Variants in GABRR3 observed in about 807,000 individuals in gnomAD.
The protein encoded by GABRR3 is gamma-aminobutyric acid receptor subunit rho-3.
A neutral mutation model predicts 43.2 loss-of-function variants in GABRR3; 29 were observed. That is an observed-to-expected ratio of 0.67 (90% CI 0.50 to 0.92). The LOEUF (loss-of-function observed/expected upper bound fraction) is 0.92, where lower values mean the gene tolerates loss of function less well. GABRR3 is among the 40% of genes least tolerant of loss of function. The pLI is 0.00. For missense variants in GABRR3, 576 were observed against 572.3 expected (o/e 1.01, Z -0.07); for synonymous variants, 206 against 195.9 (o/e 1.05, Z -0.43).
At chr3:98,007,140 C>T (rs1280061328) in intron 7 of GABRR3, among the ~76,000 whole-genome samples, 1 of 151,962 alleles carries the variant, frequency 6.6e-6, no homozygotes, top group Non-Finnish European at 1.5e-5. Context: ...CTGTGATGAC[C>T]GAGATAGGGA....
exon 10 of GABRR3, chr3:97,986,754 T>C (rs1167053267): frequency 1.3e-6 from 2 of 1,599,276 alleles, no homozygotes; most frequent in Non-Finnish European, 1.7e-6. Context: ...CTAGAATAGG[T>C]GTCAATGACA....
chr3:97,994,829 T>C (rs574729826), intron 8 of GABRR3, among the ~76,000 whole-genome samples: 2 of 152,346 alleles, frequency 1.3e-5, no homozygotes, highest in South Asian at 2.1e-4. Context: ...TGCAGAATTA[T>C]GCCAAGAGGC....
chr3:98,032,097 G>GTATAGTATAGTATAGTATAA (rs1707093447), intron 2 of GABRR3, among the ~76,000 whole-genome samples: 1 of 151,702 alleles, frequency 6.6e-6, no homozygotes, highest in Admixed American at 6.6e-5. Context: ...GTATAGTATA[G>GTATAGTATAGTATAGTATAA]TATAGTATAG....
At chr3:98,021,781 G>T (rs769135052) in intron 3 of GABRR3, among the ~76,000 whole-genome samples, 2 of 152,128 alleles carry the variant, frequency 1.3e-5, no homozygotes, top group Non-Finnish European at 2.9e-5. Context: ...TTTGTATATG[G>T]CAAGATATAG....
At chr3:97,992,657 G>A (rs1706486314) in intron 9 of GABRR3, among the ~76,000 whole-genome samples, 195 bp downstream of exon 9, 1 of 152,148 alleles carries the variant, frequency 6.6e-6, no homozygotes, top group African/African-American at 2.4e-5. Context: ...ATGAAGGTGA[G>A]TGAGGATAAG....
At chr3:98,007,622 T>C (rs1706737306) in intron 7 of GABRR3, 142 bp downstream of exon 7, 1 of 825,588 alleles carries the variant, frequency 1.2e-6, no homozygotes, top group Non-Finnish European at 1.9e-6. Context: ...GGGTGGAGCT[T>C]GCTCCCTGTA....
At chr3:98,026,152 G>A (rs879701760) in intron 2 of GABRR3, among the ~76,000 whole-genome samples, 7 of 152,246 alleles carry the variant, frequency 4.6e-5, no homozygotes, top group South Asian at 2.1e-4. Flanking sequence ...CGAAAGGACC[G>A]CAAGATTGTA....
intron 8 of GABRR3, among the ~76,000 whole-genome samples, chr3:97,995,869 G>A (rs907239567): frequency 2.1e-4 from 32 of 152,328 alleles, no homozygotes; most frequent in Middle Eastern, 3.4e-3. Flanking sequence ...TCAAAGGAAG[G>A]TCATGTGTTT....
At chr3:97,987,734 T>A (rs1319879515) in intron 9 of GABRR3, among the ~76,000 whole-genome samples, 1 of 152,162 alleles carries the variant, frequency 6.6e-6, no homozygotes, top group East Asian at 1.9e-4. Flanking sequence ...AATTGAGTTA[T>A]GTTGTCCCTT....
chr3:98,026,108 G>T (rs1707012118), intron 2 of GABRR3, among the ~76,000 whole-genome samples: 1 of 152,168 alleles, frequency 6.6e-6, no homozygotes, highest in African/African-American at 2.4e-5. Context: ...GGTCACTGGG[G>T]CTGAACAATC....
chr3:98,017,543 G>A, intron 4 of GABRR3, 112 bp downstream of exon 4: 1 of 751,720 alleles, frequency 1.3e-6, no homozygotes, highest in Non-Finnish European at 2.3e-6. Context: ...ATCAAAGTAG[G>A]AGACATAAAT....
chr3:98,001,905 C>T (rs2107232347), intron 7 of GABRR3, 138 bp from the exon 8 acceptor site: 2 of 793,310 alleles, frequency 2.5e-6, no homozygotes, highest in Non-Finnish European at 2.0e-6. Context: ...TTAGTTGGGC[C>T]TGGCACTCCA....
exon 5 of GABRR3, chr3:98,012,373 G>T (rs1315374494): frequency 6.2e-7 from 1 of 1,613,760 alleles, no homozygotes; most frequent in African/African-American, 1.3e-5. Context: ...TTCCATCAGG[G>T]TGTACGCGCA....
intron 2 of GABRR3, among the ~76,000 whole-genome samples, chr3:98,031,630 C>T (rs765295328): frequency 4.6e-5 from 7 of 151,906 alleles, no homozygotes; most frequent in African/African-American, 1.7e-4. Flanking sequence ...GTTGTCCCAG[C>T]TACTTGGGAG....
At chr3:98,024,366 CAAAAAAAAAAAAAAA>C (rs35090836) in intron 3 of GABRR3, among the ~76,000 whole-genome samples, 1 of 42,466 alleles carries the variant, frequency 2.4e-5, no homozygotes, top group Non-Finnish European at 5.1e-5. Flanking sequence ...GACTCCGTCT[CAAAAAAAAAAAAAAA>C]AAAAAAAAAG....
chr3:98,016,437 A>C (rs1299973467), intron 4 of GABRR3, among the ~76,000 whole-genome samples: 4 of 152,056 alleles, frequency 2.6e-5, no homozygotes, highest in African/African-American at 9.7e-5. Context: ...CCATGAGTAG[A>C]AGCTTCCTGA....
chr3:97,985,511 C>G (rs1262781204), downstream of GABRR3, among the ~76,000 whole-genome samples: 1 of 152,104 alleles, frequency 6.6e-6, no homozygotes, highest in African/African-American at 2.4e-5. Context: ...GTGTACATAC[C>G]TCTGTTTTAA....
At chr3:98,017,606 G>C (rs1446673097) in intron 4 of GABRR3, 49 bp downstream of exon 4, 1 of 1,331,126 alleles carries the variant, frequency 7.5e-7, no homozygotes, top group East Asian at 2.4e-5. Context: ...TGACACTGCC[G>C]AGTTTCTGTC....
intron 9 of GABRR3, among the ~76,000 whole-genome samples, chr3:97,987,393 TG>T (rs1706402042): frequency 6.6e-6 from 1 of 152,250 alleles, no homozygotes; most frequent in South Asian, 2.1e-4. Flanking sequence ...CTCCAGTGCC[TG>T]ATTGAATCAA....
Sources: gnomAD v4.1 joint callset for allele counts (sites outside exome capture counted in the v4.1 genomes callset) on GRCh38, gnomAD v4.1.1 for gene constraint, MANE v1.5 for transcripts, NCBI Gene and HGNC (gene_info 2026-07-23, HGNC 2026-07-21) for gene names.